EDAR: variants seen among roughly 807,000 people sequenced by gnomAD.
The protein encoded by EDAR is tumor necrosis factor receptor superfamily member EDAR.
A neutral mutation model predicts 51.3 loss-of-function variants in EDAR; 38 were observed. That is an observed-to-expected ratio of 0.74 (90% confidence interval 0.57 to 0.97). EDAR has a LOEUF of 0.97. Ranked by LOEUF, EDAR falls within the 50% of genes least tolerant of loss-of-function variation. The pLI, the probability that EDAR is intolerant of heterozygous loss-of-function variation, is 0.00. For synonymous variants in EDAR, 227 were observed against 242.1 expected (o/e 0.94, Z 0.58); for missense variants, 528 against 595.0 (o/e 0.89, Z 1.17).
intron 1 of EDAR, among the ~76,000 whole-genome samples, chr2:108,974,156 C>T (rs190972905): frequency 2.0e-5 from 3 of 150,794 alleles, no homozygotes; most frequent in Non-Finnish European, 3.0e-5. Context: ...GGTGAAACCC[C>T]GTCTCTACTA....
At chr2:108,967,834 C>G (rs1460998006) in intron 1 of EDAR, among the ~76,000 whole-genome samples, 1 of 152,136 alleles carries the variant, frequency 6.6e-6, no homozygotes, top group Non-Finnish European at 1.5e-5. Flanking sequence ...AGATAAATTT[C>G]TCTTCAGGTA....
chr2:108,937,467 ATG>A (rs1208159568), intron 1 of EDAR, among the ~76,000 whole-genome samples: 1 of 152,020 alleles, frequency 6.6e-6, no homozygotes, highest in African/African-American at 2.4e-5. Context: ...GCATGTGTAT[ATG>A]TGAGTGTGTG....
chr2:108,983,684 G>A (rs1245092022), intron 1 of EDAR, among the ~76,000 whole-genome samples: 2 of 152,222 alleles, frequency 1.3e-5, no homozygotes, highest in Non-Finnish European at 2.9e-5. Context: ...ATACGAGGAA[G>A]GAAATCAAAC....
At chr2:108,975,419 C>T (rs942730511) in intron 1 of EDAR, among the ~76,000 whole-genome samples, 5 of 152,144 alleles carry the variant, frequency 3.3e-5, no homozygotes, top group African/African-American at 9.7e-5. Context: ...GAGCATGGGC[C>T]GGCGAGACAT....
chr2:108,972,113 G>A (rs891889810), intron 1 of EDAR, among the ~76,000 whole-genome samples: 4 of 152,246 alleles, frequency 2.6e-5, no homozygotes, highest in Admixed American at 6.5e-5. Flanking sequence ...ACCACCCAGC[G>A]GAGCCGCTCC....
chr2:108,906,221 C>T, intron 11 of EDAR, 87 bp downstream of exon 11: 1 of 1,420,486 alleles, frequency 7.0e-7, no homozygotes, highest in East Asian at 2.3e-5. Context: ...CCCTCAGTTC[C>T]CCTCACAGGA....
At chr2:108,939,336 G>A (rs1174302854) in intron 1 of EDAR, among the ~76,000 whole-genome samples, 3 of 152,018 alleles carry the variant, frequency 2.0e-5, no homozygotes, top group South Asian at 2.1e-4. Flanking sequence ...ACAGGCGTGC[G>A]CCACCACACT....
intron 1 of EDAR, among the ~76,000 whole-genome samples, chr2:108,981,515 A>G (rs1390506689): frequency 6.6e-6 from 1 of 152,242 alleles, no homozygotes; most frequent in Non-Finnish European, 1.5e-5. Context: ...AGCATCCTGC[A>G]GCCCAAACAA....
chr2:108,911,844 C>T (rs748058910), intron 6 of EDAR, among the ~76,000 whole-genome samples: 3 of 152,196 alleles, frequency 2.0e-5, no homozygotes, highest in Non-Finnish European at 2.9e-5. Flanking sequence ...CGCATGTGGG[C>T]GCTGAGCCTC....
intron 1 of EDAR, among the ~76,000 whole-genome samples, chr2:108,959,876 G>A (rs1219946677): frequency 6.6e-6 from 1 of 152,054 alleles, no homozygotes; most frequent in Non-Finnish European, 1.5e-5. Context: ...ATACATACAA[G>A]CACACACATA....
At chr2:108,916,973 CA>C (rs759221021) in intron 5 of EDAR, among the ~76,000 whole-genome samples, 1 of 152,184 alleles carries the variant, frequency 6.6e-6, no homozygotes, top group Non-Finnish European at 1.5e-5. Context: ...CCCAGGCCAC[CA>C]AAGGGCAGCA....
chr2:108,948,714 A>G (rs1697764071), intron 1 of EDAR, among the ~76,000 whole-genome samples: 1 of 152,140 alleles, frequency 6.6e-6, no homozygotes, highest in Non-Finnish European at 1.5e-5. Flanking sequence ...CATGGGGAAA[A>G]CTGCTCCCAT....
At chr2:108,982,216 C>A (rs2104478579) in intron 1 of EDAR, among the ~76,000 whole-genome samples, 1 of 152,352 alleles carries the variant, frequency 6.6e-6, no homozygotes, top group South Asian at 2.1e-4. Context: ...AGTGGCCTCT[C>A]TAACAAAGAA....
At chr2:108,934,469 G>A (rs192257185) in intron 1 of EDAR, among the ~76,000 whole-genome samples, 7 of 152,330 alleles carry the variant, frequency 4.6e-5, no homozygotes, top group Admixed American at 3.3e-4. Flanking sequence ...TGCACACTGA[G>A]CTCCCATATT....
At chr2:108,974,863 C>T (rs1383587911) in intron 1 of EDAR, among the ~76,000 whole-genome samples, 1 of 152,234 alleles carries the variant, frequency 6.6e-6, no homozygotes, top group Non-Finnish European at 1.5e-5. Context: ...CGAGCTGCCT[C>T]ACCAGGCCTG....
intron 11 of EDAR, among the ~76,000 whole-genome samples, chr2:108,900,942 T>C (rs1293715850): frequency 6.6e-6 from 1 of 152,228 alleles, no homozygotes; most frequent in East Asian, 1.9e-4. Context: ...TCCACAATTA[T>C]AGTTGAAGAC....
chr2:108,980,644 C>A (rs1330467047), intron 1 of EDAR, among the ~76,000 whole-genome samples: 1 of 152,004 alleles, frequency 6.6e-6, no homozygotes, highest in Non-Finnish European at 1.5e-5. Flanking sequence ...AGTGTGGGGC[C>A]AGGGAGGGTT....
At chr2:108,950,629 G>A (rs972638873) in intron 1 of EDAR, among the ~76,000 whole-genome samples, 7 of 152,182 alleles carry the variant, frequency 4.6e-5, no homozygotes, top group East Asian at 1.9e-4. Context: ...CATTCTGGAC[G>A]TGACACACAG....
intron 1 of EDAR, among the ~76,000 whole-genome samples, chr2:108,949,499 G>A (rs1375959278): frequency 6.6e-6 from 1 of 152,106 alleles, no homozygotes; most frequent in East Asian, 1.9e-4. Context: ...ACAACTCTAT[G>A]GGGACATCCA....
Sources: allele counts gnomAD v4.1 joint callset (sites outside exome capture counted in the v4.1 genomes callset), GRCh38; gene constraint gnomAD v4.1.1; transcripts MANE v1.5; gene names NCBI Gene and HGNC (gene_info 2026-07-23, HGNC 2026-07-21).